The following RPRD2 variants were observed in gnomAD, a reference collection of about 807,000 sequenced individuals.
RPRD2 encodes the protein regulation of nuclear pre-mRNA domain-containing protein 2.
RPRD2 carries 12 observed loss-of-function variants against 104.4 expected under a neutral mutation model. The ratio of observed to expected loss-of-function variants is 0.11; its 90% CI spans 0.07 to 0.19. The LOEUF is 0.19. RPRD2 is among the 10% of genes least tolerant of loss of function. The probability of loss-of-function intolerance (pLI) is 1.00; values close to 1 mark genes in which losing one functional copy is unlikely to be tolerated. For synonymous variants in RPRD2, 714 were observed against 684.9 expected (o/e 1.04, Z -0.66); for missense variants, 1,543 against 1,790.1 (o/e 0.86, Z 2.49).
chr1:150,467,600 C>G (rs937377316), intron 10 of RPRD2, among the ~76,000 whole-genome samples: 2 of 152,056 alleles, frequency 1.3e-5, no homozygotes, highest in Non-Finnish European at 2.9e-5. Flanking sequence ...TCTCGAACTC[C>G]TGACCTCACG....
rs1262115548 is a variant in RPRD2 at position 150,473,441 on chromosome 1, TA to T, written c.*108del. 4 of 1,160,768 alleles carry T rather than the reference TA, an allele frequency of 3.4e-6. No individual in the cohort carries two copies. Among genetic ancestry groups the T allele is most frequent in the Non-Finnish European group, 4.8e-6 (4 of 840,498 alleles). 71.9% of individuals were successfully genotyped at this position (1,160,768 alleles called of 1,614,324 possible). On this transcript the variant is annotated 3_prime_UTR_variant, in exon 11 of 11. Coordinates refer to ENST00000369068, the MANE Select transcript of RPRD2 (RefSeq NM_015203.5). ...GTTTTCTCTTTCTCGATTTTTTTTT[TA>T]TTATAACAAAGGGCCTCTCTTCCAA...
intron 1 of RPRD2, among the ~76,000 whole-genome samples, chr1:150,398,733 G>T (rs980355954): frequency 1.3e-5 from 2 of 151,748 alleles, no homozygotes; most frequent in East Asian, 3.9e-4. Context: ...TGTAGCAACC[G>T]GGTTTCACCA....
chr1:150,414,039 G>T (rs1287394401), intron 1 of RPRD2, among the ~76,000 whole-genome samples: 1 of 152,088 alleles, frequency 6.6e-6, no homozygotes, highest in African/African-American at 2.4e-5. Context: ...GTTTCAGTGA[G>T]CCAAGATTGT....
intron 7 of RPRD2, among the ~76,000 whole-genome samples, chr1:150,446,619 C>G (rs1489651314): frequency 6.6e-6 from 1 of 152,094 alleles, no homozygotes; most frequent in Non-Finnish European, 1.5e-5. Context: ...TGAGACCAGC[C>G]TGGGCACCAT....
At chr1:150,382,648 T>C (rs1343045440) in intron 1 of RPRD2, among the ~76,000 whole-genome samples, 1 of 152,134 alleles carries the variant, frequency 6.6e-6, no homozygotes, top group Non-Finnish European at 1.5e-5. Context: ...CGTGAGCCAC[T>C]GCACCTGGCC....
At chr1:150,384,638 T>TG (rs1553881479) in intron 1 of RPRD2, among the ~76,000 whole-genome samples, 3 of 107,300 alleles carry the variant, frequency 2.8e-5, no homozygotes, top group African/African-American at 4.1e-5. Context: ...GCCTGGCTAA[T>TG]TTGTGTGTGT....
chr1:150,390,792 C>T (rs1350412634), intron 1 of RPRD2, among the ~76,000 whole-genome samples: 1 of 151,956 alleles, frequency 6.6e-6, no homozygotes, highest in Non-Finnish European at 1.5e-5. Flanking sequence ...ATGAGTCTAA[C>T]ATGTGTGATT....
Position 150,433,547 on chromosome 1 carries a change from C to T in RPRD2, c.336-7376C>T, listed in dbSNP as rs904731223. Among the ~76,000 whole-genome samples the T allele has an allele frequency of 1.2e-3, 169 of 144,564 alleles. 2 individuals carry two copies. Among genetic ancestry groups the T allele is most frequent in the African/African-American group, 4.1e-3 (159 of 39,212 alleles). The allele number at this position is 144,564 out of a possible 152,430, so 94.8% of individuals were successfully genotyped here. A position where few individuals can be genotyped will look rare whatever the true frequency, so the allele number is the denominator to read the frequency against. ...GCAAGCTCCTCCTTCCAGGTTCATG[C>T]CATTCTCCTGCCTCAGCCTCCCGAG... On this transcript the variant is annotated intron_variant, in intron 2 of 10. Transcript: ENST00000369068.
chr1:150,426,433 GAAT>G (rs1364574019), intron 2 of RPRD2, among the ~76,000 whole-genome samples: 3 of 152,106 alleles, frequency 2.0e-5, no homozygotes, highest in Non-Finnish European at 4.4e-5. Context: ...TGTAAAATGT[GAAT>G]AATAGTACAG....
chr1:150,472,794 T>C lies in RPRD2; in HGVS notation c.3846T>C (p.Ser1282=). 2 of 1,610,802 alleles carry C rather than the reference T, an allele frequency of 1.2e-6. No individual in the cohort carries two copies. The highest frequency in any genetic ancestry group is 1.7e-6 in the Non-Finnish European group (2 of 1,177,322). ...CCCCTCCTGGGGAACATAGCAGCAG[T>C]GGTGGGAGTGGTGTCCCCTTTTCTA... ...PPPPPGEHSS[S]GGSGVPFSTP... The change falls in exon 11 of 11, where the codon AGT becomes AGC. Residue 1282 remains serine, a synonymous_variant. Coordinates refer to ENST00000369068, the MANE Select transcript of RPRD2 (RefSeq NM_015203.5).
rs188199624 is a variant in RPRD2, at chr1:150,462,545, T to G, written c.1412-1982T>G. On this transcript the variant is annotated intron_variant, in intron 9 of 10. Transcript: ENST00000369068. The stretch of plus-strand genomic sequence containing the variant: ...TATATAAAACCTTTTTAATGGAATT[T>G]TATTTTTATTTATTTATTTATTTAT... Among the ~76,000 whole-genome samples, 215 of 152,140 alleles carry G rather than the reference T, an allele frequency of 1.4e-3. 1 individual carries two copies. Among genetic ancestry groups the G allele is most frequent in the African/African-American group, 4.8e-3 (200 of 41,494 alleles).
rs1234078446 is a variant in RPRD2, at chr1:150,473,964, A to G, written c.*630A>G. 6.6e-6 allele frequency: 1 copy of G among 152,196 alleles called. No individual in the cohort carries two copies. Among genetic ancestry groups the G allele is most frequent in the Non-Finnish European group, 1.5e-5 (1 of 68,026 alleles). The allele number at this position is 152,196 out of a possible 1,614,324, so 9.4% of individuals were successfully genotyped here. Reference sequence around the variant, plus strand: ...TTTAGTTCTTTACCCTTCTCCTAAAATCTTTTTTTAATCAGCCTCAAGGTT... The same window carrying G: ...TTTAGTTCTTTACCCTTCTCCTAAAGTCTTTTTTTAATCAGCCTCAAGGTT... On this transcript the variant is annotated 3_prime_UTR_variant, in exon 11 of 11. Transcript: ENST00000369068.
At chr1:150,419,659 T>G (rs1261638561) in intron 2 of RPRD2, among the ~76,000 whole-genome samples, 1 of 152,194 alleles carries the variant, frequency 6.6e-6, no homozygotes, top group Non-Finnish European at 1.5e-5. Context: ...TTCGCTCTTG[T>G]TGCCCAGGCT....
At chr1:150,435,854 C>A in intron 2 of RPRD2, among the ~76,000 whole-genome samples, 1 of 152,198 alleles carries the variant, frequency 6.6e-6, no homozygotes. Context: ...TTGGAAGATG[C>A]CATGTAGGAC....
At chr1:150,380,498 C>T (rs1661043621) in intron 1 of RPRD2, among the ~76,000 whole-genome samples, 1 of 151,696 alleles carries the variant, frequency 6.6e-6, no homozygotes, top group Admixed American at 6.6e-5. Flanking sequence ...TAGGCATACA[C>T]CACCATGCCC....
At chr1:150,423,852 G>A (rs1664930412) in intron 2 of RPRD2, among the ~76,000 whole-genome samples, 1 of 151,270 alleles carries the variant, frequency 6.6e-6, no homozygotes. Context: ...GAGTGCAGTA[G>A]CGCGATCTCA....
chr1:150,399,812 G>C (rs1432372371), intron 1 of RPRD2, among the ~76,000 whole-genome samples: 3 of 151,562 alleles, frequency 2.0e-5, no homozygotes, highest in Admixed American at 6.6e-5. Context: ...GATTATTGTA[G>C]CTTGTATGGA....
chr1:150,405,018 A>G (rs782322967), intron 1 of RPRD2, among the ~76,000 whole-genome samples: 4 of 152,220 alleles, frequency 2.6e-5, no homozygotes, highest in Admixed American at 1.3e-4. Flanking sequence ...GAATCTACCA[A>G]TATTTCACGG....
At chr1:150,426,152 A>G (rs1158446664) in intron 2 of RPRD2, among the ~76,000 whole-genome samples, 1 of 151,840 alleles carries the variant, frequency 6.6e-6, no homozygotes, top group African/African-American at 2.4e-5. Context: ...TTCTACAGTC[A>G]AATCTCAGTC....
Sources: allele counts gnomAD v4.1 joint callset (sites outside exome capture counted in the v4.1 genomes callset), GRCh38; gene constraint gnomAD v4.1.1; transcripts MANE v1.5; gene names NCBI Gene and HGNC (gene_info 2026-07-23, HGNC 2026-07-21).